The following MYT1L variants were observed in gnomAD, a reference collection of about 807,000 sequenced individuals.
MYT1L encodes myelin transcription factor 1 like, also known as myelin transcription factor 1-like protein.
In MYT1L, 12 loss-of-function variants were observed where a neutral mutation model predicts 126.7. The ratio of observed to expected loss-of-function variants is 0.09; its 90% CI spans 0.06 to 0.15. The LOEUF (loss-of-function observed/expected upper bound fraction) is 0.15. MYT1L is among the 10% of genes least tolerant of loss of function. MYT1L has a pLI of 1.00. For missense variants in MYT1L, 979 were observed against 1,585.2 expected (o/e 0.62, Z 6.49); for synonymous variants, 541 against 604.2 (o/e 0.90, Z 1.53).
intron 24 of MYT1L, 96 bp downstream of exon 24, chr2:1,792,225 T>A (rs373725845): frequency 7.0e-7 from 1 of 1,434,264 alleles, no homozygotes; most frequent in Non-Finnish European, 9.3e-7. Flanking sequence ...TGCCAAAGGC[T>A]GAAGAACCAT....
At chr2:1,798,478 C>T (rs79089089) in intron 23 of MYT1L, among the ~76,000 whole-genome samples, 1,883 of 152,298 alleles carry the variant, frequency 0.012, 45 homozygotes, top group African/African-American at 0.042. Context: ...CGTGGGCACC[C>T]ACTTCTCAGT....
intron 18 of MYT1L, chr2:1,886,291 A>G (rs1666001900): frequency 5.4e-6 from 2 of 369,084 alleles, no homozygotes; most frequent in Admixed American, 9.2e-5. Flanking sequence ...CCCATGCTTT[A>G]GGATATCCCA....
chr2:2,005,145 T>G (rs1019068493), intron 4 of MYT1L, among the ~76,000 whole-genome samples: 4 of 151,562 alleles, frequency 2.6e-5, no homozygotes, highest in African/African-American at 9.7e-5. Context: ...CATTCTTTCC[T>G]GCAGGCATTA....
At chr2:2,115,971 C>T (rs1421013133) in intron 3 of MYT1L, among the ~76,000 whole-genome samples, 2 of 149,230 alleles carry the variant, frequency 1.3e-5, no homozygotes, top group South Asian at 2.1e-4. Flanking sequence ...CACGTCCAGT[C>T]GACGAAAACA....
chr2:1,853,464 A>ATAAAC lies in MYT1L; in HGVS notation c.2712-1762_2712-1761insGTTTA, dbSNP rs1553431153. Among the ~76,000 whole-genome samples the ATAAAC allele has an allele frequency of 4.0e-4, 61 of 151,748 alleles. 2 individuals are homozygous for ATAAAC. In the South Asian group the frequency reaches 0.011, roughly 28 times the overall value. Reference sequence around the variant, plus strand: ...TTGCTAAGTAATTATTGTCTAAAAAATAAATGACTGAACTTAACTAGCTGG... The same window carrying ATAAAC: ...TTGCTAAGTAATTATTGTCTAAAAAATAAACTAAATGACTGAACTTAACTAGCTGG... On this transcript the variant is annotated intron_variant, in intron 18 of 24. Transcript: ENST00000647738.
chr2:2,254,297 A>T (rs1033130658), intron 2 of MYT1L, among the ~76,000 whole-genome samples: 2 of 152,336 alleles, frequency 1.3e-5, no homozygotes, highest in East Asian at 3.9e-4. Context: ...TCAGACCTGG[A>T]TTCGGGATTT....
At chr2:2,145,578 T>C (rs2084753661) in intron 3 of MYT1L, among the ~76,000 whole-genome samples, 1 of 151,418 alleles carries the variant, frequency 6.6e-6, no homozygotes, top group African/African-American at 2.4e-5. Flanking sequence ...GGGTAGAAGA[T>C]GGTGTGGGAA....
At chr2:2,234,941 C>T (rs2094250592) in intron 2 of MYT1L, among the ~76,000 whole-genome samples, 1 of 152,248 alleles carries the variant, frequency 6.6e-6, no homozygotes. Flanking sequence ...TCCAGCTCCC[C>T]TTGGCCTGCG....
intron 18 of MYT1L, among the ~76,000 whole-genome samples, chr2:1,861,838 C>CTCCTGCAGCCTCTGTAATCCTGGATCT (rs1558190924): frequency 4.3e-4 from 37 of 85,300 alleles, no homozygotes; most frequent in Admixed American, 1.0e-3. Context: ...ATCCTGGATC[C>CTCCTGCAGCCTCTGTAATCCTGGATCT]GCCTGCAGCC....
intron 2 of MYT1L, among the ~76,000 whole-genome samples, chr2:2,203,723 A>C (rs934734380): frequency 2.9e-4 from 44 of 152,266 alleles, no homozygotes; most frequent in South Asian, 1.5e-3. Context: ...CCCCATCAAG[A>C]TACCAATGAC....
chr2:1,973,619 G>A (rs948649575), intron 8 of MYT1L, among the ~76,000 whole-genome samples: 1 of 152,186 alleles, frequency 6.6e-6, no homozygotes, highest in African/African-American at 2.4e-5. Flanking sequence ...GAATAACAAC[G>A]TCTCTTTAGC....
chr2:2,303,883 C>G (rs994539743), intron 1 of MYT1L: 1 of 152,196 alleles, frequency 6.6e-6, no homozygotes, highest in Non-Finnish European at 1.5e-5. Flanking sequence ...CTGCTGCACA[C>G]ATTGAAAAAC....
intron 18 of MYT1L, among the ~76,000 whole-genome samples, chr2:1,855,122 A>G (rs73184882): frequency 0.16 from 25,048 of 152,234 alleles, 2,388 homozygotes; most frequent in African/African-American, 0.26. Context: ...AAAAACTCAT[A>G]GATTTACATA....
At chr2:2,097,173 G>A (rs1186939813) in intron 3 of MYT1L, among the ~76,000 whole-genome samples, 1 of 152,114 alleles carries the variant, frequency 6.6e-6, no homozygotes, top group Admixed American at 6.6e-5. Flanking sequence ...TCTATTCCGT[G>A]GGACTCCCAG....
chr2:2,301,825 T>TAAA (rs375520368), intron 1 of MYT1L, among the ~76,000 whole-genome samples: 4 of 96,866 alleles, frequency 4.1e-5, no homozygotes, highest in Admixed American at 1.2e-4. Flanking sequence ...CCTGTCTGTC[T>TAAA]AAAAAAAAAA....
intron 3 of MYT1L, among the ~76,000 whole-genome samples, chr2:2,092,306 A>AG (rs35974359): frequency 0.59 from 89,954 of 151,882 alleles, 28,190 homozygotes; most frequent in African/African-American, 0.82. Flanking sequence ...TCAGTTTAGA[A>AG]GGGGGAGATA....
At chr2:1,909,864 T>C (rs1177558901) in intron 13 of MYT1L, among the ~76,000 whole-genome samples, 4 of 152,198 alleles carry the variant, frequency 2.6e-5, no homozygotes, top group Non-Finnish European at 4.4e-5. Flanking sequence ...CCAGCCTTAG[T>C]TGGTGTGAGG....
intron 18 of MYT1L, among the ~76,000 whole-genome samples, chr2:1,871,550 CT>C (rs970359282): frequency 6.6e-6 from 1 of 152,204 alleles, no homozygotes; most frequent in Non-Finnish European, 1.5e-5. Flanking sequence ...AAAACTGAAG[CT>C]CAGAAAGTTG....
intron 21 of MYT1L, among the ~76,000 whole-genome samples, chr2:1,831,948 G>A (rs575128458): frequency 1.3e-4 from 20 of 152,198 alleles, no homozygotes; most frequent in South Asian, 4.2e-4. Flanking sequence ...GACACTTCCC[G>A]AGGCCCGTTA....
Sources: allele counts gnomAD v4.1 joint callset (sites outside exome capture counted in the v4.1 genomes callset), GRCh38; gene constraint gnomAD v4.1.1; transcripts MANE v1.5; gene names NCBI Gene and HGNC (gene_info 2026-07-23, HGNC 2026-07-21).